DCC: variants seen among roughly 807,000 people sequenced by gnomAD.
The protein encoded by DCC is netrin receptor DCC.
A neutral mutation model predicts 172.5 loss-of-function variants in DCC; 58 were observed. The ratio of observed to expected loss-of-function variants is 0.34; its 90% CI spans 0.27 to 0.42. The LOEUF (loss-of-function observed/expected upper bound fraction) is 0.42. Among genes scored for constraint, DCC ranks in the 10% least tolerant of loss-of-function variants. The pLI, the probability that DCC is intolerant of heterozygous loss-of-function variation, is 1.00. For missense variants in DCC, 1,740 were observed against 1,791.0 expected, an observed-to-expected ratio of 0.97 and a Z score of 0.51; for synonymous variants, 709 against 644.5, an observed-to-expected ratio of 1.10 and a Z score of -1.52.
At chr18:52,402,695 C>A (rs907928701) in intron 1 of DCC, among the ~76,000 whole-genome samples, 10 of 151,976 alleles carry the variant, frequency 6.6e-5, no homozygotes, top group African/African-American at 2.2e-4. Context: ...CTTTCTTTAA[C>A]CCTCCTTTAT....
intron 12 of DCC, among the ~76,000 whole-genome samples, chr18:53,233,010 A>G (rs143139985): frequency 1.1e-4 from 17 of 152,020 alleles, no homozygotes; most frequent in African/African-American, 4.1e-4. Context: ...TGGTTGATCA[A>G]GTGACTAACC....
At chr18:53,042,135 G>A (rs138196039) in intron 5 of DCC, among the ~76,000 whole-genome samples, 5,652 of 152,120 alleles carry the variant, frequency 0.037, 140 homozygotes, top group Middle Eastern at 0.061. Context: ...GATATTGGCT[G>A]TGGGTTTGTC....
At chr18:52,352,983 T>C (rs557497049) in intron 1 of DCC, among the ~76,000 whole-genome samples, 1 of 152,188 alleles carries the variant, frequency 6.6e-6, no homozygotes, top group East Asian at 1.9e-4. Flanking sequence ...AAGCATCAGA[T>C]AGGGAGGTGA....
intron 1 of DCC, among the ~76,000 whole-genome samples, chr18:52,429,472 A>G (rs142257818): frequency 4.8e-4 from 73 of 152,252 alleles, no homozygotes; most frequent in African/African-American, 1.6e-3. Context: ...CATATTAATG[A>G]CTTTTCACCA....
At chr18:53,429,730 T>A (rs1277638966) in intron 21 of DCC, among the ~76,000 whole-genome samples, 1 of 152,070 alleles carries the variant, frequency 6.6e-6, no homozygotes. Context: ...CCAAAGGTTT[T>A]GAAGAAGGGA....
At chr18:53,142,229 A>G (rs1237991147) in intron 7 of DCC, among the ~76,000 whole-genome samples, 1 of 152,248 alleles carries the variant, frequency 6.6e-6, no homozygotes, top group Non-Finnish European at 1.5e-5. Context: ...GTCAGCATGA[A>G]TCATAAATGC....
intron 27 of DCC, among the ~76,000 whole-genome samples, chr18:53,516,402 T>C (rs1025896678): frequency 2.3e-4 from 33 of 146,124 alleles, no homozygotes; most frequent in African/African-American, 8.1e-4. Flanking sequence ...AAGGACTTCA[T>C]GTCGAAAACA....
At chr18:52,561,533 T>C (rs1144081) in intron 1 of DCC, among the ~76,000 whole-genome samples, 37,471 of 151,940 alleles carry the variant, frequency 0.25, 4,779 homozygotes, top group African/African-American at 0.3. Context: ...ATCTGTACCT[T>C]AGTTTATACA....
chr18:52,457,350 T>G (rs965642245), intron 1 of DCC, among the ~76,000 whole-genome samples: 1 of 152,180 alleles, frequency 6.6e-6, no homozygotes, highest in Non-Finnish European at 1.5e-5. Flanking sequence ...TCAGTATTAT[T>G]TGAGGTAGGA....
chr18:53,461,778 AC>A (rs2045562500), intron 24 of DCC, among the ~76,000 whole-genome samples: 1 of 152,064 alleles, frequency 6.6e-6, no homozygotes, highest in Non-Finnish European at 1.5e-5. Flanking sequence ...CTTCCTTGTC[AC>A]TCCAGTTATT....
At chr18:52,999,593 G>A (rs2041534342) in intron 5 of DCC, among the ~76,000 whole-genome samples, 1 of 152,004 alleles carries the variant, frequency 6.6e-6, no homozygotes, top group South Asian at 2.1e-4. Flanking sequence ...GATGATGTGG[G>A]CAGTTGTTTT....
chr18:52,453,806 T>C (rs182041438), intron 1 of DCC, among the ~76,000 whole-genome samples: 165 of 152,284 alleles, frequency 1.1e-3, no homozygotes, highest in African/African-American at 3.9e-3. Context: ...TAACCTCAAA[T>C]TCATCCTGAC....
At chr18:52,869,581 G>A (rs2039285057) in intron 2 of DCC, among the ~76,000 whole-genome samples, 1 of 152,176 alleles carries the variant, frequency 6.6e-6, no homozygotes, top group Non-Finnish European at 1.5e-5. Flanking sequence ...TTCTGCCCAG[G>A]AGCCTGTCTG....
chr18:53,269,446 C>T (rs8085053), intron 12 of DCC, among the ~76,000 whole-genome samples: 1 of 151,970 alleles, frequency 6.6e-6, no homozygotes, highest in Admixed American at 6.6e-5. Context: ...ACTATGACAC[C>T]CCCTCTCCAC....
At chr18:53,176,005 G>A (rs1330055728) in intron 8 of DCC, among the ~76,000 whole-genome samples, 5 of 151,354 alleles carry the variant, frequency 3.3e-5, no homozygotes, top group Admixed American at 3.3e-4. Flanking sequence ...ACAGAACAGA[G>A]CCCTCAGAAA....
intron 1 of DCC, among the ~76,000 whole-genome samples, chr18:52,718,145 T>G (rs970158191): frequency 2.0e-5 from 3 of 152,220 alleles, no homozygotes; most frequent in Non-Finnish European, 2.9e-5. Flanking sequence ...TAAGATTTAT[T>G]GAGCTGTATG....
chr18:52,929,063 G>T (rs765520219), intron 5 of DCC, among the ~76,000 whole-genome samples: 1 of 152,104 alleles, frequency 6.6e-6, no homozygotes, highest in Non-Finnish European at 1.5e-5. Context: ...CCAAGAAAAA[G>T]TGGGTACTGG....
At chr18:53,125,245 T>G (rs2043538752) in intron 7 of DCC, among the ~76,000 whole-genome samples, 1 of 152,106 alleles carries the variant, frequency 6.6e-6, no homozygotes, top group Admixed American at 6.6e-5. Flanking sequence ...GTTAGGAGTT[T>G]TATTTTGTTA....
At chr18:53,236,051 C>T (rs34197805) in intron 12 of DCC, among the ~76,000 whole-genome samples, 6,309 of 152,186 alleles carry the variant, frequency 0.041, 161 homozygotes, top group East Asian at 0.13. Context: ...TGCTGCCACA[C>T]TGTTGGAAAA....
Sources: gnomAD v4.1 joint callset for allele counts (sites outside exome capture counted in the v4.1 genomes callset) on GRCh38, gnomAD v4.1.1 for gene constraint, MANE v1.5 for transcripts, NCBI Gene and HGNC (gene_info 2026-07-23, HGNC 2026-07-21) for gene names.